The following LRRC1 variants were observed in gnomAD, a reference collection of about 807,000 sequenced individuals.
LRRC1 encodes the protein leucine rich repeat containing 1, also known as leucine-rich repeat-containing protein 1.
Under a neutral mutation model 69.9 loss-of-function variants are expected in LRRC1, and 28 were observed. The ratio of observed to expected loss-of-function variants is 0.40; its 90% CI spans 0.30 to 0.55. LRRC1 has a LOEUF of 0.55. LRRC1 is among the 20% of genes least tolerant of loss of function. LRRC1 has a pLI of 0.47. For synonymous variants in LRRC1, 236 were observed against 240.2 expected (o/e 0.98, Z 0.16); for missense variants, 498 against 609.0 (o/e 0.82, Z 1.92).
chr6:53,836,286 T>C (rs1431258523), intron 1 of LRRC1, among the ~76,000 whole-genome samples: 1 of 152,232 alleles, frequency 6.6e-6, no homozygotes, highest in East Asian at 1.9e-4. Context: ...ACGTGAGGAA[T>C]AAAAATCCAT....
intron 1 of LRRC1, among the ~76,000 whole-genome samples, chr6:53,808,457 A>G (rs1020175427): frequency 6.6e-6 from 1 of 152,146 alleles, no homozygotes; most frequent in Non-Finnish European, 1.5e-5. Context: ...GATAATTATA[A>G]TAATGATAGT....
intron 10 of LRRC1, among the ~76,000 whole-genome samples, chr6:53,913,147 G>C (rs571085914): frequency 6.6e-6 from 1 of 152,028 alleles, no homozygotes; most frequent in Admixed American, 6.6e-5. Flanking sequence ...GTGGATGGAG[G>C]TGTTGATTTG....
chr6:53,828,395 A>T (rs571058425), intron 1 of LRRC1, among the ~76,000 whole-genome samples: 31 of 152,196 alleles, frequency 2.0e-4, no homozygotes, highest in Non-Finnish European at 1.0e-4. Flanking sequence ...AGGCAGGCTG[A>T]TGCCGGAGGG....
In LRRC1 at chr6:53,795,273, C is replaced by A. The variant is rs761349802; in HGVS notation, c.17C>A (p.Pro6His). ...GGGGCGGCGATGTTCCACTGCATCC[C>A]CCTGTGGCGGTGCAACCGTCATGTG... MFHCI[P>H]LWRCNRHVES... Residue 6 changes from proline (P) to histidine (H), a missense_variant, in exon 1 of 14, where the codon CCC becomes CAC. Coordinates refer to ENST00000370888, the MANE Select transcript of LRRC1 (RefSeq NM_018214.5). 2 of 1,611,232 alleles carry A rather than the reference C, an allele frequency of 1.2e-6. No individual in the cohort carries two copies. Among genetic ancestry groups the A allele is most frequent in the Non-Finnish European group, 1.7e-6 (2 of 1,179,626 alleles).
At chr6:53,898,910 G>A (rs537048681) in intron 7 of LRRC1, among the ~76,000 whole-genome samples, 1 of 152,160 alleles carries the variant, frequency 6.6e-6, no homozygotes, top group Non-Finnish European at 1.5e-5. Flanking sequence ...TGAAAAGAAG[G>A]TGGTCCAATT....
intron 1 of LRRC1, among the ~76,000 whole-genome samples, chr6:53,840,671 AT>A (rs1581865772): frequency 6.7e-6 from 1 of 149,792 alleles, no homozygotes; most frequent in African/African-American, 2.5e-5. Flanking sequence ...TATTAACTTT[AT>A]TTTTCACCTC....
At chr6:53,808,810 C>T (rs1207445884) in intron 1 of LRRC1, among the ~76,000 whole-genome samples, 1 of 152,112 alleles carries the variant, frequency 6.6e-6, no homozygotes, top group Non-Finnish European at 1.5e-5. Context: ...ACATCCATGA[C>T]CCCTGCACTC....
rs1254513155 is a variant in LRRC1 at position 53,795,151 on chromosome 6, A to G, written c.-106A>G. On this transcript the variant is annotated 5_prime_UTR_variant, in exon 1 of 14. Transcript: ENST00000370888. ...AAGCGAGCTAACCCAAGAGCCAACA[A>G]CGAGCGCGGAGAGGGCAGCGGACTG... The G allele has an allele frequency of 3.9e-6, 4 of 1,024,638 alleles. No individual in the cohort carries two copies. Among genetic ancestry groups the G allele is most frequent in the Non-Finnish European group, 5.5e-6 (4 of 729,042 alleles). 63.5% of individuals were successfully genotyped at this position (1,024,638 alleles called of 1,614,324 possible).
At chr6:53,877,341 G>A (rs569100717) in intron 2 of LRRC1, among the ~76,000 whole-genome samples, 1 of 152,322 alleles carries the variant, frequency 6.6e-6, no homozygotes, top group African/African-American at 2.4e-5. Flanking sequence ...GGGCTGCCAT[G>A]AAGACCTTTG....
intron 10 of LRRC1, among the ~76,000 whole-genome samples, chr6:53,912,485 A>G (rs1271125796): frequency 6.6e-6 from 1 of 152,210 alleles, no homozygotes; most frequent in Admixed American, 6.5e-5. Flanking sequence ...AAAGGGAGTA[A>G]TCTAAAAGCC....
At chr6:53,806,144 G>C (rs893446012) in intron 1 of LRRC1, among the ~76,000 whole-genome samples, 2 of 152,140 alleles carry the variant, frequency 1.3e-5, no homozygotes, top group African/African-American at 4.8e-5. Context: ...TCTCCTCTGT[G>C]GTCTCTGGAG....
chr6:53,876,779 C>T (rs531147510), intron 2 of LRRC1, among the ~76,000 whole-genome samples: 5 of 152,184 alleles, frequency 3.3e-5, no homozygotes, highest in Non-Finnish European at 7.3e-5. Flanking sequence ...CAGCTCTGCC[C>T]CTGTGACTTT....
chr6:53,880,429 A>T (rs764930253), intron 3 of LRRC1, among the ~76,000 whole-genome samples: 2 of 152,188 alleles, frequency 1.3e-5, no homozygotes, highest in African/African-American at 4.8e-5. Context: ...GAGCTCCTCT[A>T]TGTGCTATGT....
intron 2 of LRRC1, among the ~76,000 whole-genome samples, chr6:53,845,035 C>T (rs1035680725): frequency 6.6e-6 from 1 of 152,270 alleles, no homozygotes; most frequent in Middle Eastern, 3.4e-3. Flanking sequence ...AAACCTCCAA[C>T]TCTACTAAAA....
chr6:53,891,766 C>T (rs1199908673), intron 4 of LRRC1, among the ~76,000 whole-genome samples: 1 of 151,984 alleles, frequency 6.6e-6, no homozygotes, highest in African/African-American at 2.4e-5. Flanking sequence ...GGCAGATCAC[C>T]TGGGGTCAGG....
Position 53,842,130 on chromosome 6 carries a change from A to G in LRRC1, c.180A>G (p.Lys60=), listed in dbSNP as rs769208699. The change falls in exon 2 of 14, where the codon AAA becomes AAG. Residue 60 remains lysine, a synonymous_variant. Transcript: ENST00000370888. ...ELPEQFFQLV[K]LRKLGLSDNE... is the part of the protein sequence containing the mutation. ...TTCAGCAATTTTTCCAGCTAGTCAA[A>G]TTACGAAAGCTTGGACTTAGTGATA... 3.2e-5 allele frequency: 51 copies of G among 1,613,134 alleles called. No homozygotes were observed. The East Asian group carries it at 1.0e-3, about 33-fold the overall frequency.
In LRRC1 at chr6:53,842,185, G is replaced by T. The variant is rs368836742; in HGVS notation, c.235G>T (p.Ala79Ser). The change falls in exon 2 of 14, where the codon GCA becomes TCA. Residue 79 changes from alanine to serine, a missense_variant. Physicochemically the swap from Ala to Ser is moderately conservative, Grantham distance 99. Around this residue, in one of 3 missense-constraint regions of LRRC1, gnomAD observed 266 missense variants for 383.9 expected, o/e 0.69. Coordinates refer to ENST00000370888, the MANE Select transcript of LRRC1 (RefSeq NM_018214.5). ...AATTCAGCGGCTCCCTCCAGAAATAGCAAACTTCATGCAGCTGGTGGAACT... is the reference window on the plus strand; with the variant it reads ...AATTCAGCGGCTCCCTCCAGAAATATCAAACTTCATGCAGCTGGTGGAACT... The part of the protein sequence containing the change: ...NEIQRLPPEI[A>S]NFMQLVELDV... 74 of 1,613,894 alleles carry T rather than the reference G, an allele frequency of 4.6e-5. No individual in the cohort carries two copies. The highest frequency in any genetic ancestry group is 5.5e-5 in the Non-Finnish European group (65 of 1,179,934).
intron 1 of LRRC1, among the ~76,000 whole-genome samples, chr6:53,836,390 T>C (rs2127414221): frequency 6.6e-6 from 1 of 152,320 alleles, no homozygotes; most frequent in East Asian, 1.9e-4. Flanking sequence ...CTTGAGATGA[T>C]TAAAGAGTAT....
chr6:53,907,236 A>G (rs940076806), intron 10 of LRRC1, among the ~76,000 whole-genome samples: 1 of 152,230 alleles, frequency 6.6e-6, no homozygotes, highest in Non-Finnish European at 1.5e-5. Flanking sequence ...TAAGTTGCAT[A>G]CATATCTAAA....
Sources: gnomAD v4.1 joint callset for allele counts (sites outside exome capture counted in the v4.1 genomes callset) on GRCh38, gnomAD v4.1.1 for gene constraint, gnomAD v4.1.1 regional missense constraint, MANE v1.5 for transcripts, NCBI Gene and HGNC (gene_info 2026-07-23, HGNC 2026-07-21) for gene names.